Variants in PCDHGA4 observed in about 807,000 individuals in gnomAD.
PCDHGA4 encodes protocadherin gamma-A4.
Under a neutral mutation model 54.6 loss-of-function variants are expected in PCDHGA4, and 38 were observed. The ratio of observed to expected loss-of-function variants is 0.70; its 90% CI spans 0.54 to 0.91. PCDHGA4 has a LOEUF of 0.91. PCDHGA4 is among the 40% of genes least tolerant of loss of function. The pLI is 0.00. For synonymous variants in PCDHGA4, 511 were observed against 512.9 expected (o/e 1.00, Z 0.05); for missense variants, 1,298 against 1,220.9 (o/e 1.06, Z -0.94).
chr5:141,395,016 G>T, intron 1 of PCDHGA4: 1 of 1,614,068 alleles, frequency 6.2e-7, no homozygotes, highest in Admixed American at 1.7e-5. Flanking sequence ...ATTGGTAGGC[G>T]TGCCTGCCTC....
At chr5:141,461,278 C>T (rs2099012353) in intron 1 of PCDHGA4, among the ~76,000 whole-genome samples, 1 of 152,086 alleles carries the variant, frequency 6.6e-6, no homozygotes, top group South Asian at 2.1e-4. Context: ...GTTCTCTTTT[C>T]CCCACATCCA....
chr5:141,511,241 C>A lies in PCDHGA4; in HGVS notation c.*68C>A. On this transcript the variant is annotated 3_prime_UTR_variant, in exon 4 of 4. Coordinates refer to ENST00000571252, the MANE Select transcript of PCDHGA4 (RefSeq NM_018917.4). ...CCAGCCCAGCTTCTCCTTACCTGCA[C>A]CCAGGCCTCAGAGTTTCAGGGCTAA... 1 of 1,585,212 alleles carries A rather than the reference C, an allele frequency of 6.3e-7. No individual in the cohort carries two copies. The highest frequency in any genetic ancestry group is 8.6e-7 in the Non-Finnish European group (1 of 1,165,762).
At chr5:141,480,859 A>G (rs1197372110) in intron 1 of PCDHGA4, among the ~76,000 whole-genome samples, 2 of 152,178 alleles carry the variant, frequency 1.3e-5, no homozygotes, top group Non-Finnish European at 2.9e-5. Context: ...AGCCTGGCCA[A>G]TATGGTGAAA....
intron 1 of PCDHGA4, among the ~76,000 whole-genome samples, chr5:141,452,356 C>G (rs1008914676): frequency 6.6e-6 from 1 of 152,148 alleles, no homozygotes; most frequent in African/African-American, 2.4e-5. Flanking sequence ...ATCCAAAAGC[C>G]TTGCTTCATT....
intron 1 of PCDHGA4, chr5:141,384,877 C>T (rs2150276041): frequency 6.2e-7 from 1 of 1,613,844 alleles, no homozygotes; most frequent in African/African-American, 1.3e-5. Context: ...CACCGTCACA[C>T]TCACCGTGGC....
Position 141,489,338 on chromosome 5 carries a change from A to T in PCDHGA4, c.2515-5469A>T, listed in dbSNP as rs1303176012. 1 of 1,608,414 alleles carries T rather than the reference A, an allele frequency of 6.2e-7. No homozygotes were observed. Among genetic ancestry groups the T allele is most frequent in the South Asian group, 1.1e-5 (1 of 90,478 alleles). ...GGCTGGGTGTCTGGGCAGCTTCGTTACTCAGTGGTGGAGGAGTCTGAGCCG... is the reference window on the plus strand; with the variant it reads ...GGCTGGGTGTCTGGGCAGCTTCGTTTCTCAGTGGTGGAGGAGTCTGAGCCG... On this transcript the variant is annotated intron_variant, in intron 1 of 3. Coordinates refer to ENST00000571252, the MANE Select transcript of PCDHGA4 (RefSeq NM_018917.4). This position sits in a 1 kb window ranked among gnomAD's most constrained non-coding sequence, Gnocchi z 4.5.
At chr5:141,364,952 C>G in intron 1 of PCDHGA4, 1 of 1,613,948 alleles carries the variant, frequency 6.2e-7, no homozygotes, top group Non-Finnish European at 8.5e-7. Context: ...AGAGACTGTT[C>G]ACGACCTCCT....
intron 1 of PCDHGA4, chr5:141,430,974 C>G: frequency 6.2e-7 from 1 of 1,613,072 alleles, no homozygotes; most frequent in East Asian, 2.2e-5. Flanking sequence ...AGAGGTAGGA[C>G]GCAGCTTTTC....
At chr5:141,364,470 A>G in intron 1 of PCDHGA4, 1 of 1,614,038 alleles carries the variant, frequency 6.2e-7, no homozygotes, top group Non-Finnish European at 8.5e-7. Context: ...TTCGTCGGCA[A>G]CATAGCCAAG....
At chr5:141,475,934 G>T in intron 1 of PCDHGA4, 1 of 665,236 alleles carries the variant, frequency 1.5e-6, no homozygotes, top group Non-Finnish European at 2.5e-6. Context: ...TCGGGCCCCT[G>T]CCCGTCCCCT....
chr5:141,473,680 C>T (rs888876529), intron 1 of PCDHGA4, among the ~76,000 whole-genome samples: 3 of 152,100 alleles, frequency 2.0e-5, no homozygotes, highest in Non-Finnish European at 2.9e-5. Flanking sequence ...CAGGGAAGGG[C>T]TGGGGTTCTG....
intron 1 of PCDHGA4, among the ~76,000 whole-genome samples, chr5:141,397,331 TA>T (rs1194266776): frequency 2.0e-5 from 3 of 152,214 alleles, no homozygotes; most frequent in Non-Finnish European, 4.4e-5. Flanking sequence ...AAATTATTTT[TA>T]TAAAGAATGT....
intron 1 of PCDHGA4, chr5:141,400,326 T>A: frequency 6.2e-7 from 1 of 1,614,104 alleles, no homozygotes; most frequent in Non-Finnish European, 8.5e-7. Flanking sequence ...AGTCTGGACC[T>A]GTGGTTCCCC....
At position 141,410,845 on chromosome 5, in the gene PCDHGA4, TTGTC is replaced by T. The variant is rs1434874838; in HGVS notation, c.2514+53226_2514+53229del. 23 of 429,726 alleles carry T rather than the reference TTGTC, an allele frequency of 5.4e-5. 1 individual carries two copies. Among genetic ancestry groups the T allele is most frequent in the Admixed American group, 8.8e-5 (2 of 22,654 alleles). The allele number at this position is 429,726 out of a possible 1,614,324, so 26.6% of individuals were successfully genotyped here. A position where few individuals can be genotyped will look rare whatever the true frequency, so the allele number is the denominator to read the frequency against. Reference sequence around the variant, plus strand: ...TCACCAGACTGAAGATATTTTGTCTTTGTCTTTTTTTTTTTTTTTTTTTTTTGAG... The same window carrying T: ...TCACCAGACTGAAGATATTTTGTCTTTTTTTTTTTTTTTTTTTTTTTTGAG... On this transcript the variant is annotated intron_variant, in intron 1 of 3. Transcript: ENST00000571252.
chr5:141,362,997 G>A (rs1275044345), intron 1 of PCDHGA4, among the ~76,000 whole-genome samples: 1 of 152,256 alleles, frequency 6.6e-6, no homozygotes, highest in African/African-American at 2.4e-5. Context: ...GGCATGGCTT[G>A]TTAATCACAG....
intron 1 of PCDHGA4, among the ~76,000 whole-genome samples, chr5:141,494,498 C>G (rs2099754760): frequency 6.6e-6 from 1 of 152,138 alleles, no homozygotes; most frequent in African/African-American, 2.4e-5. Flanking sequence ...GCCTTCAGTC[C>G]TTGAATTTTG....
At chr5:141,413,677 G>C (rs539552615) in intron 1 of PCDHGA4, 1 of 1,613,794 alleles carries the variant, frequency 6.2e-7, no homozygotes, top group South Asian at 1.1e-5. Context: ...GGATGTGGGC[G>C]TGAACTCCCT....
chr5:141,383,849 T>C (rs757932608), intron 1 of PCDHGA4: 9 of 1,613,952 alleles, frequency 5.6e-6, no homozygotes, highest in South Asian at 4.4e-5. Flanking sequence ...TTCTATGAAA[T>C]GGAGGTTCAG....
chr5:141,447,168 T>C (rs1027377060), intron 1 of PCDHGA4, among the ~76,000 whole-genome samples: 2 of 152,174 alleles, frequency 1.3e-5, no homozygotes, highest in Non-Finnish European at 2.9e-5. Context: ...AAGCGGGGTC[T>C]TGCTCTTGTC....
Sources: gnomAD v4.1 joint callset for allele counts (sites outside exome capture counted in the v4.1 genomes callset) on GRCh38, gnomAD v4.1.1 for gene constraint, Gnocchi (gnomAD v3.1) non-coding constraint, MANE v1.5 for transcripts, NCBI Gene and HGNC (gene_info 2026-07-23, HGNC 2026-07-21) for gene names.